RXRG: variants seen among roughly 807,000 people sequenced by gnomAD.
The protein encoded by RXRG is retinoid X receptor gamma, also known as retinoic acid receptor RXR-gamma.
In RXRG, 19 loss-of-function variants were observed where a neutral mutation model predicts 49.2. The observed-to-expected ratio is 0.39, with a 90% CI of 0.27 to 0.57. The LOEUF (loss-of-function observed/expected upper bound fraction) is 0.57. RXRG is among the 20% of genes least tolerant of loss of function. The pLI is 0.64. For synonymous variants in RXRG, 224 were observed against 216.6 expected, an observed-to-expected ratio of 1.03 and a Z score of -0.30; for missense variants, 452 against 592.5, an observed-to-expected ratio of 0.76 and a Z score of 2.46.
intron 1 of RXRG, among the ~76,000 whole-genome samples, chr1:165,437,657 T>C (rs1658856488): frequency 6.6e-6 from 1 of 152,098 alleles, no homozygotes; most frequent in Non-Finnish European, 1.5e-5. Context: ...TCAAGGACTT[T>C]AGGAACGAGA....
intron 9 of RXRG, among the ~76,000 whole-genome samples, chr1:165,405,287 GA>G: frequency 6.6e-6 from 1 of 152,346 alleles, no homozygotes; most frequent in East Asian, 1.9e-4. Flanking sequence ...CAATTAAGAT[GA>G]TTTGCCCAAG....
rs1658257126 is a variant in RXRG at position 165,419,964 on chromosome 1, T to TG, written c.347dup (p.Gly117ArgfsTer20). 1 of 1,613,334 alleles carries TG rather than the reference T, an allele frequency of 6.2e-7. No individual in the cohort carries two copies. The highest frequency in any genetic ancestry group is 8.5e-7 in the Non-Finnish European group (1 of 1,179,660). ...TCATGTTTCCAATCCCGGGAAGCCCTGGTAAGGGCTTGATGTCCTCTGAAC... is the reference window on the plus strand; with the variant it reads ...TCATGTTTCCAATCCCGGGAAGCCCTGGGTAAGGGCTTGATGTCCTCTGAAC... On this transcript the variant is annotated frameshift_variant, in exon 3 of 10. Coordinates refer to ENST00000359842, the MANE Select transcript of RXRG (RefSeq NM_006917.5). LOFTEE classifies it high-confidence loss of function.
chr1:165,424,712 G>A lies in RXRG; in HGVS notation c.297+4007C>T. 4.4e-6 allele frequency: 4 copies of A among 909,816 alleles called. No homozygotes were observed. The South Asian group carries it at 2.0e-4, about 46-fold the overall frequency. The allele number at this position is 909,816 out of a possible 1,614,324, so 56.4% of individuals were successfully genotyped here. A position where few individuals can be genotyped will look rare whatever the true frequency, so the allele number is the denominator to read the frequency against. On this transcript the variant is annotated intron_variant, in intron 2 of 9. Coordinates refer to ENST00000359842, the MANE Select transcript of RXRG (RefSeq NM_006917.5). ...GCCCTGCCTGCTGCTCCCACCCCTA[G>A]ACACTTCCTCCTCCCTTCACCCCCC... is the stretch of plus-strand genomic sequence containing the variant.
At chr1:165,404,617 A>T (rs1051880289) in intron 9 of RXRG, among the ~76,000 whole-genome samples, 1 of 152,242 alleles carries the variant, frequency 6.6e-6, no homozygotes, top group African/African-American at 2.4e-5. Context: ...GTATAATTTC[A>T]TATCTAGAAA....
intron 4 of RXRG, among the ~76,000 whole-genome samples, chr1:165,415,257 C>T (rs780748947): frequency 3.9e-5 from 6 of 152,172 alleles, no homozygotes; most frequent in Non-Finnish European, 8.8e-5. Context: ...GAGGTGGGTG[C>T]ATCTCTGGTA....
intron 4 of RXRG, among the ~76,000 whole-genome samples, chr1:165,413,334 T>A (rs1378103719): frequency 6.6e-6 from 1 of 152,206 alleles, no homozygotes; most frequent in Admixed American, 6.5e-5. Flanking sequence ...TCGCACTTAT[T>A]ACAATAGGCA....
At chr1:165,405,699 G>A (rs549266865) in intron 9 of RXRG, among the ~76,000 whole-genome samples, 1 of 152,218 alleles carries the variant, frequency 6.6e-6, no homozygotes, top group Non-Finnish European at 1.5e-5. Context: ...TGAACTGACT[G>A]CCCACCCAGA....
At chr1:165,406,376 C>A (rs1236278102) in intron 9 of RXRG, among the ~76,000 whole-genome samples, 1 of 152,218 alleles carries the variant, frequency 6.6e-6, no homozygotes, top group African/African-American at 2.4e-5. Flanking sequence ...GGGGGCAGAC[C>A]AGAAAGCAAT....
chr1:165,416,396 T>G (rs948870693), intron 4 of RXRG, among the ~76,000 whole-genome samples: 3 of 152,148 alleles, frequency 2.0e-5, no homozygotes, highest in African/African-American at 7.2e-5. Context: ...TAAACCACAC[T>G]ATAAATTAAA....
Position 165,401,228 on chromosome 1 carries a change from G to T in RXRG, c.*35C>A, listed in dbSNP as rs778875903. 1.9e-6 allele frequency: 3 copies of T among 1,608,784 alleles called. No individual in the cohort carries two copies. Among genetic ancestry groups the T allele is most frequent in the Admixed American group, 1.7e-5 (1 of 59,916 alleles). Reference sequence around the variant, plus strand: ...GGGGTCCACACACACCTGCCCAGGGGTCATCCTGGGTGGGGAGGCTGTGGC... The same window carrying T: ...GGGGTCCACACACACCTGCCCAGGGTTCATCCTGGGTGGGGAGGCTGTGGC... On this transcript the variant is annotated 3_prime_UTR_variant, in exon 10 of 10. Transcript: ENST00000359842.
intron 9 of RXRG, among the ~76,000 whole-genome samples, chr1:165,403,446 A>G (rs1657647877): frequency 1.3e-5 from 2 of 152,236 alleles, no homozygotes; most frequent in African/African-American, 4.8e-5. Context: ...ATATTTCTAC[A>G]CTTATGCCAT....
chr1:165,429,039 C>A, intron 1 of RXRG, 73 bp from the exon 2 acceptor site: 1 of 1,499,580 alleles, frequency 6.7e-7, no homozygotes, highest in Non-Finnish European at 9.0e-7. Flanking sequence ...AGAGGCCTAG[C>A]CCCACCTTTC....
intron 9 of RXRG, among the ~76,000 whole-genome samples, chr1:165,405,273 G>A (rs1207342170): frequency 6.6e-6 from 1 of 152,166 alleles, no homozygotes; most frequent in Non-Finnish European, 1.5e-5. Context: ...CCAACTCAGG[G>A]CTTCAATTAA....
intron 9 of RXRG, among the ~76,000 whole-genome samples, chr1:165,405,152 T>C (rs1557908569): frequency 6.6e-6 from 1 of 152,210 alleles, no homozygotes; most frequent in Non-Finnish European, 1.5e-5. Flanking sequence ...TTTTTTAAGA[T>C]AAACAGCAAG....
chr1:165,434,690 A>T (rs957444560), intron 1 of RXRG, among the ~76,000 whole-genome samples: 1 of 152,052 alleles, frequency 6.6e-6, no homozygotes, highest in Admixed American at 6.5e-5. Context: ...GCCCTATCCC[A>T]CTCTGATCTC....
chr1:165,406,674 T>C, intron 9 of RXRG, 138 bp downstream of exon 9: 1 of 667,044 alleles, frequency 1.5e-6, no homozygotes, highest in Non-Finnish European at 2.6e-6. Flanking sequence ...ATTAACATTT[T>C]TGTGGCTTTC....
At chr1:165,417,326 T>A in intron 3 of RXRG, 106 bp from the exon 4 acceptor site, 1 of 1,080,464 alleles carries the variant, frequency 9.3e-7, no homozygotes, top group Non-Finnish European at 1.3e-6. Context: ...GCATATCACT[T>A]GGGCATTGGG....
At chr1:165,444,752 T>C in intron 1 of RXRG, 93 bp downstream of exon 1, 1 of 1,136,340 alleles carries the variant, frequency 8.8e-7, no homozygotes, top group African/African-American at 1.5e-5. Context: ...TGTTCTCCTT[T>C]TAATTCAATA....
At chr1:165,414,528 C>T (rs935605862) in intron 4 of RXRG, among the ~76,000 whole-genome samples, 2 of 152,152 alleles carry the variant, frequency 1.3e-5, no homozygotes, top group African/African-American at 4.8e-5. Flanking sequence ...CATTCACTTT[C>T]CTTTAATTCA....
Sources: allele counts gnomAD v4.1 joint callset (sites outside exome capture counted in the v4.1 genomes callset), GRCh38; gene constraint gnomAD v4.1.1; transcripts MANE v1.5; gene names NCBI Gene and HGNC (gene_info 2026-07-23, HGNC 2026-07-21).